Variants in SUCLG2 observed in about 807,000 individuals in gnomAD.
SUCLG2 encodes the protein succinate-CoA ligase GDP-forming subunit beta, also known as succinate--CoA ligase [GDP-forming] subunit beta, mitochondrial.
A neutral mutation model predicts 47.9 loss-of-function variants in SUCLG2; 42 were observed. That is an observed-to-expected ratio of 0.88 (90% CI 0.69 to 1.14). The LOEUF is 1.14. SUCLG2 is among the 50% of genes most tolerant of loss of function. SUCLG2 has a pLI of 0.00. For synonymous variants in SUCLG2, 195 were observed against 197.3 expected (o/e 0.99, Z 0.10); for missense variants, 571 against 525.9 (o/e 1.09, Z -0.84).
chr3:67,408,407 T>C (rs1702863812), intron 9 of SUCLG2, among the ~76,000 whole-genome samples: 1 of 152,222 alleles, frequency 6.6e-6, no homozygotes, highest in Non-Finnish European at 1.5e-5. Context: ...AAATGTCTTA[T>C]ACAACACCCT....
intron 2 of SUCLG2, among the ~76,000 whole-genome samples, chr3:67,574,104 C>T (rs2107242621): frequency 6.6e-6 from 1 of 152,290 alleles, no homozygotes; most frequent in African/African-American, 2.4e-5. Context: ...CCAGTAACCA[C>T]AGGTCAAGCC....
intron 2 of SUCLG2, among the ~76,000 whole-genome samples, chr3:67,558,082 T>C: frequency 6.6e-6 from 1 of 152,204 alleles, no homozygotes; most frequent in Admixed American, 6.5e-5. Flanking sequence ...CTTTGACCTC[T>C]GTTTATTCCG....
chr3:67,497,112 T>C (rs940977505), intron 8 of SUCLG2, among the ~76,000 whole-genome samples: 1 of 152,162 alleles, frequency 6.6e-6, no homozygotes, highest in African/African-American at 2.4e-5. Context: ...CTTATCAGGA[T>C]CAGAATGATG....
rs553726163 is a variant in SUCLG2 at position 67,385,876 on chromosome 3, G to A, written c.1184-10017C>T. ...CTAACCCCAAGGCTTGGCTGGATGG[G>A]CTGTGAACAATGGGAGCAGTGGCTA... On this transcript the variant is annotated intron_variant, in intron 10 of 10. Coordinates refer to ENST00000307227, the MANE Select transcript of SUCLG2 (RefSeq NM_003848.4). 4.6e-5 allele frequency among the ~76,000 whole-genome samples: 7 copies of A among 152,340 alleles called. No individual in the cohort carries two copies. The East Asian group carries it at 1.4e-3, about 29-fold the overall frequency.
chr3:67,491,361 C>CTT (rs549763218), intron 9 of SUCLG2, among the ~76,000 whole-genome samples: 19,662 of 125,372 alleles, frequency 0.16, 2,730 homozygotes, highest in African/African-American at 0.35. Context: ...TTTTCTTTTA[C>CTT]TTTTTTTTTT....
intron 10 of SUCLG2, among the ~76,000 whole-genome samples, chr3:67,365,692 TA>T (rs1701865194): frequency 6.6e-6 from 1 of 152,182 alleles, no homozygotes; most frequent in Admixed American, 6.5e-5. Flanking sequence ...AAGCACGTGA[TA>T]AAAAATTTGC....
In SUCLG2 at chr3:67,406,456, A is replaced by G. The variant is rs546730733; in HGVS notation, c.1063-5605T>C. Among the ~76,000 whole-genome samples, 7 of 152,208 alleles carry G rather than the reference A, an allele frequency of 4.6e-5. No homozygotes were observed. In the East Asian group the frequency reaches 1.2e-3, roughly 25 times the overall value. On this transcript the variant is annotated intron_variant, in intron 9 of 10. Coordinates refer to ENST00000307227, the MANE Select transcript of SUCLG2 (RefSeq NM_003848.4). ...AGCAGGACAGGACCTATATTACACC[A>G]GGTGGTGAGGGAGGGCCTCTCATAG...
At chr3:67,645,533 T>A (rs1284826372) in intron 1 of SUCLG2, among the ~76,000 whole-genome samples, 1 of 152,192 alleles carries the variant, frequency 6.6e-6, no homozygotes, top group Non-Finnish European at 1.5e-5. Flanking sequence ...TTTTCTAATG[T>A]GCCAAATAGC....
chr3:67,508,812 C>G lies in SUCLG2; in HGVS notation c.752G>C (p.Gly251Ala). 1.9e-6 allele frequency: 3 copies of G among 1,587,336 alleles called. No individual in the cohort carries two copies. In the South Asian group the frequency reaches 3.5e-5, roughly 18 times the overall value. Residue 251 changes from glycine (G) to alanine (A), a missense_variant, in exon 7 of 11, where the codon GGA becomes GCA. Coordinates refer to ENST00000307227, the MANE Select transcript of SUCLG2 (RefSeq NM_003848.4). The stretch of plus-strand genomic sequence containing the variant: ...CAATTCTTTTTTTTTTTTACCTTGT[C>G]CTTCTGGAGTTTCACCAAAGGGATT... ...EVNPFGETPE[G>A]QVVCFDAKIN...
At chr3:67,469,165 C>A (rs1452804849) in intron 9 of SUCLG2, among the ~76,000 whole-genome samples, 2 of 152,252 alleles carry the variant, frequency 1.3e-5, no homozygotes, top group African/African-American at 4.8e-5. Flanking sequence ...ATGAGGTAGG[C>A]TGGCGAGTTG....
intron 10 of SUCLG2, among the ~76,000 whole-genome samples, chr3:67,382,129 C>A (rs1329363011): frequency 6.6e-6 from 1 of 152,174 alleles, no homozygotes; most frequent in Non-Finnish European, 1.5e-5. Context: ...GTAGTTAGCA[C>A]TTATTGAGTA....
chr3:67,504,024 T>A (rs938092175), intron 7 of SUCLG2, among the ~76,000 whole-genome samples: 1 of 152,170 alleles, frequency 6.6e-6, no homozygotes, highest in Non-Finnish European at 1.5e-5. Flanking sequence ...GAAATAAGAC[T>A]ATCATAATTA....
chr3:67,553,999 G>A (rs1256514714), intron 2 of SUCLG2, among the ~76,000 whole-genome samples: 1 of 152,154 alleles, frequency 6.6e-6, no homozygotes, highest in Non-Finnish European at 1.5e-5. Context: ...TGGGTTAAAA[G>A]TAACATAACC....
chr3:67,653,005 G>C (rs1358991034), intron 1 of SUCLG2, among the ~76,000 whole-genome samples: 2 of 152,174 alleles, frequency 1.3e-5, no homozygotes, highest in Non-Finnish European at 1.5e-5. Flanking sequence ...TTTTTACCCA[G>C]TTTTCTTGAC....
At chr3:67,512,435 A>C (rs772756739) in intron 6 of SUCLG2, among the ~76,000 whole-genome samples, 1 of 150,908 alleles carries the variant, frequency 6.6e-6, no homozygotes, top group Non-Finnish European at 1.5e-5. Flanking sequence ...CATCTTATGT[A>C]TCCTGGGCAC....
chr3:67,473,258 C>G (rs1382932017), intron 9 of SUCLG2, among the ~76,000 whole-genome samples: 6 of 152,158 alleles, frequency 3.9e-5, no homozygotes, highest in African/African-American at 1.4e-4. Flanking sequence ...CAGCCCACTA[C>G]AGCCTTGACC....
intron 9 of SUCLG2, among the ~76,000 whole-genome samples, chr3:67,438,306 T>C (rs1198352302): frequency 6.6e-6 from 1 of 151,806 alleles, no homozygotes; most frequent in East Asian, 1.9e-4. Flanking sequence ...CACCCTCACA[T>C]CACAATTAAA....
At chr3:67,497,252 T>C (rs1575735694) in intron 8 of SUCLG2, among the ~76,000 whole-genome samples, 2 of 152,198 alleles carry the variant, frequency 1.3e-5, no homozygotes, top group Admixed American at 1.3e-4. Context: ...CAGTTCTGAA[T>C]ACAATGATAT....
At chr3:67,638,267 T>C (rs1208927268) in intron 1 of SUCLG2, among the ~76,000 whole-genome samples, 2 of 152,166 alleles carry the variant, frequency 1.3e-5, no homozygotes, top group Non-Finnish European at 2.9e-5. Flanking sequence ...TGCTGCTGAG[T>C]GTCAAAGAGA....
Sources: allele counts gnomAD v4.1 joint callset (sites outside exome capture counted in the v4.1 genomes callset), GRCh38; gene constraint gnomAD v4.1.1; transcripts MANE v1.5; gene names NCBI Gene and HGNC (gene_info 2026-07-23, HGNC 2026-07-21).